The following GPR37 variants were observed in gnomAD, a reference collection of about 807,000 sequenced individuals.
GPR37 encodes prosaposin receptor GPR37.
A neutral mutation model predicts 43.6 loss-of-function variants in GPR37; 20 were observed. The observed-to-expected ratio is 0.46, with a 90% CI of 0.32 to 0.67. The LOEUF is 0.67. Among genes scored for constraint, GPR37 ranks in the 30% least tolerant of loss-of-function variants. GPR37 has a pLI of 0.03. For missense variants in GPR37, 724 were observed against 797.2 expected, an observed-to-expected ratio of 0.91 and a Z score of 1.11; for synonymous variants, 315 against 322.6, an observed-to-expected ratio of 0.98 and a Z score of 0.25.
intron 1 of GPR37, among the ~76,000 whole-genome samples, chr7:124,762,032 G>T (rs982410219): frequency 2.0e-5 from 3 of 152,062 alleles, no homozygotes; most frequent in Admixed American, 2.0e-4. Context: ...CAAAAATACA[G>T]AAAGTAAAAG....
intron 1 of GPR37, among the ~76,000 whole-genome samples, chr7:124,757,958 T>G (rs1030897876): frequency 5.9e-5 from 9 of 152,182 alleles, no homozygotes; most frequent in African/African-American, 2.2e-4. Context: ...TTATTCAAAT[T>G]GTTCTTTAAT....
intron 1 of GPR37, among the ~76,000 whole-genome samples, chr7:124,750,397 C>A (rs1793718332): frequency 6.6e-6 from 1 of 152,074 alleles, no homozygotes; most frequent in African/African-American, 2.4e-5. Context: ...TGCTATACAT[C>A]CTTTTGAAAT....
intron 1 of GPR37, among the ~76,000 whole-genome samples, chr7:124,749,300 A>ATTT (rs1304721167): frequency 2.1e-4 from 32 of 152,084 alleles, no homozygotes; most frequent in Admixed American, 2.1e-3. Flanking sequence ...CCCTGGGTGG[A>ATTT]TGGAATGCTT....
Position 124,746,686 on chromosome 7 carries a change from T to A in GPR37, c.1681A>T (p.Met561Leu). The change falls in exon 2 of 2, where the codon ATG (methionine) becomes TTG (leucine). Residue 561 changes from methionine (M) to leucine (L), a missense_variant. This residue lies in a region of GPR37 where 342 missense variants were observed against 441.8 expected (regional missense o/e 0.77). Coordinates refer to ENST00000303921, the MANE Select transcript of GPR37 (RefSeq NM_005302.5). ...CLCKPFSRAFMECCCCCCEEC... is the reference protein window; with the variant it reads ...CLCKPFSRAFLECCCCCCEEC... ...TCACAGCAACAGCAGCAGCACTCCATGAAGGCCCGACTGAAGGGTTTGCAG... is the reference window on the plus strand; with the variant it reads ...TCACAGCAACAGCAGCAGCACTCCAAGAAGGCCCGACTGAAGGGTTTGCAG... The A allele has an allele frequency of 6.2e-7, 1 of 1,613,886 alleles. No individual in the cohort carries two copies. Among genetic ancestry groups the A allele is most frequent in the Non-Finnish European group, 8.5e-7 (1 of 1,179,888 alleles).
intron 1 of GPR37, among the ~76,000 whole-genome samples, chr7:124,757,691 T>A (rs1368861874): frequency 6.6e-6 from 1 of 152,206 alleles, no homozygotes; most frequent in Admixed American, 6.5e-5. Flanking sequence ...TCCACGATGC[T>A]TTGTTCAAAC....
rs1793881195 is a variant in GPR37, at chr7:124,764,005, G to C, written c.972C>G (p.Thr324=). The change falls in exon 1 of 2, where the codon ACC becomes ACG. Residue 324 remains threonine, a synonymous_variant. Coordinates refer to ENST00000303921, the MANE Select transcript of GPR37 (RefSeq NM_005302.5). This position sits in a 1 kb window ranked among gnomAD's most constrained non-coding sequence, Gnocchi z 5.4. ...AGAAGTCCTCCAGCAGCCACTTCTT[G>C]GTCAGCTCGTGGAAGATGACCAGCG... ...CLPLVIFHEL[T]KKWLLEDFSC... 6.2e-7 allele frequency: 1 copy of C among 1,614,090 alleles called. No homozygotes were observed. The highest frequency in any genetic ancestry group is 8.5e-7 in the Non-Finnish European group (1 of 1,180,024).
In GPR37 at chr7:124,760,603, C is replaced by A. The variant is rs544332161; in HGVS notation, c.1023+3351G>T. ...GATGTTTACGGGTTTTTATTTTTTC[C>A]TGTCTAGTGGATTAAAAAAAGAAAA... On this transcript the variant is annotated intron_variant, in intron 1 of 1. Coordinates refer to ENST00000303921, the MANE Select transcript of GPR37 (RefSeq NM_005302.5). 2.0e-5 allele frequency among the ~76,000 whole-genome samples: 3 copies of A among 151,672 alleles called. No individual in the cohort carries two copies. The South Asian group carries it at 6.2e-4, about 32-fold the overall frequency.
rs760024892 is a variant in GPR37, at chr7:124,764,327, C to T, written c.650G>A (p.Arg217Gln). Reference protein sequence around the residue: ...HEGWTIALPGRALAQNGSLGE... With the variant: ...HEGWTIALPGQALAQNGSLGE... ...CAAGGATCCATTCTGGGCCAGCGCC[C>T]GGCCCGGGAGTGCAATTGTCCACCC... The change falls in exon 1 of 2, where the codon CGG becomes CAG. Residue 217 changes from arginine to glutamine, a missense_variant. Arg to Gln is a conservative substitution (Grantham distance 43, BLOSUM62 1). This residue lies in a region of GPR37 where 382 missense variants were observed against 355.4 expected (regional missense o/e 1.07). Coordinates refer to ENST00000303921, the MANE Select transcript of GPR37 (RefSeq NM_005302.5). This position sits in a 1 kb window ranked among gnomAD's most constrained non-coding sequence, Gnocchi z 5.4. The T allele has an allele frequency of 1.9e-6, 3 of 1,611,038 alleles. No individual in the cohort carries two copies. The highest frequency in any genetic ancestry group is 2.5e-6 in the Non-Finnish European group (3 of 1,178,688).
chr7:124,763,653 A>C lies in GPR37; in HGVS notation c.1023+301T>G, dbSNP rs377144961. ...CCCTAAAATCTCTGACAAGTGCCAAATCAGAAATACGCATAACACCATATT... is the reference window on the plus strand; with the variant it reads ...CCCTAAAATCTCTGACAAGTGCCAACTCAGAAATACGCATAACACCATATT... On this transcript the variant is annotated intron_variant, in intron 1 of 1. Coordinates refer to ENST00000303921, the MANE Select transcript of GPR37 (RefSeq NM_005302.5). Among the ~76,000 whole-genome samples, 7 of 152,270 alleles carry C rather than the reference A, an allele frequency of 4.6e-5. No homozygotes were observed. In the East Asian group the frequency reaches 9.7e-4, roughly 21 times the overall value.
At position 124,764,160 on chromosome 7, in the gene GPR37, C is replaced by T. The variant is rs1793883721; in HGVS notation, c.817G>A (p.Gly273Arg). The T allele has an allele frequency of 6.2e-7, 1 of 1,602,492 alleles. No individual in the cohort carries two copies. Among genetic ancestry groups the T allele is most frequent in the African/African-American group, 1.3e-5 (1 of 74,796 alleles). ...GCCAGGTTGCCAATGATGCCGGTCC[C>T]GAAGATCACCACGGACAGACACATG... ...AVMCLSVVIF[G>R]TGIIGNLAVM... The change falls in exon 1 of 2, where the codon GGG becomes AGG. Residue 273 changes from glycine (G) to arginine (R), a missense_variant. By Grantham distance (125) the Gly-to-Arg change is moderately radical. Transcript: ENST00000303921. The surrounding 1 kb of genome is among the most constrained non-coding windows in gnomAD (Gnocchi z 5.4).
intron 1 of GPR37, among the ~76,000 whole-genome samples, chr7:124,756,501 A>C (rs184672220): frequency 6.6e-6 from 1 of 152,362 alleles, no homozygotes; most frequent in African/African-American, 2.4e-5. Flanking sequence ...CTGCAAATAA[A>C]AAAAGACCCT....
At chr7:124,752,147 C>T (rs1290317510) in intron 1 of GPR37, among the ~76,000 whole-genome samples, 1 of 152,076 alleles carries the variant, frequency 6.6e-6, no homozygotes, top group Non-Finnish European at 1.5e-5. Context: ...ACATGTGGAG[C>T]AGTGAGGCTT....
intron 1 of GPR37, among the ~76,000 whole-genome samples, chr7:124,748,573 T>C (rs1793700418): frequency 6.6e-6 from 1 of 152,100 alleles, no homozygotes; most frequent in Non-Finnish European, 1.5e-5. Context: ...AAGAAGTATA[T>C]TTATCATAAA....
chr7:124,764,884 G>T lies in GPR37; in HGVS notation c.93C>A (p.Ala31=). 1 of 1,609,250 alleles carries T rather than the reference G, an allele frequency of 6.2e-7. No homozygotes were observed. Among genetic ancestry groups the T allele is most frequent in the Non-Finnish European group, 8.5e-7 (1 of 1,177,850 alleles). The change falls in exon 1 of 2, where the codon GCC becomes GCA. Residue 31 remains alanine (A), a synonymous_variant. Coordinates refer to ENST00000303921, the MANE Select transcript of GPR37 (RefSeq NM_005302.5). The surrounding 1 kb of genome is among the most constrained non-coding windows in gnomAD (Gnocchi z 5.4). ...KVSASSALGV[A]PASRNETCLG... is the part of the protein sequence containing the mutation. Reference sequence around the variant, plus strand: ...GACAAGTTTCGTTTCTGGACGCAGGGGCGACCCCGAGGGCAGAAGAGGCAG... The same window carrying T: ...GACAAGTTTCGTTTCTGGACGCAGGTGCGACCCCGAGGGCAGAAGAGGCAG...
At chr7:124,749,198 G>A (rs1793705978) in intron 1 of GPR37, among the ~76,000 whole-genome samples, 1 of 152,054 alleles carries the variant, frequency 6.6e-6, no homozygotes, top group South Asian at 2.1e-4. Context: ...TGTAATAAAT[G>A]TAGTCATTAT....
At chr7:124,762,921 A>C (rs1447490614) in intron 1 of GPR37, among the ~76,000 whole-genome samples, 1 of 152,218 alleles carries the variant, frequency 6.6e-6, no homozygotes, top group Non-Finnish European at 1.5e-5. Flanking sequence ...TGAAATGGAC[A>C]GTCTGAATGG....
rs762061156 is a variant in GPR37 at position 124,764,528 on chromosome 7, T to A, written c.449A>T (p.Glu150Val). The part of the protein sequence containing the change: ...TALQLFLQIS[E>V]EEEKGPRGAG... Reference sequence around the variant, plus strand: ...GCCTCTGGGACCCTTCTCTTCCTCCTCTGAGATCTGAAGGAAGAGCTGGAG... The same window carrying A: ...GCCTCTGGGACCCTTCTCTTCCTCCACTGAGATCTGAAGGAAGAGCTGGAG... The change falls in exon 1 of 2, where the codon GAG (glutamate) becomes GTG (valine). Residue 150 changes from glutamate to valine, a missense_variant. Glu to Val is a moderately radical substitution (Grantham distance 121, BLOSUM62 -2). Transcript: ENST00000303921. The surrounding 1 kb of genome is among the most constrained non-coding windows in gnomAD (Gnocchi z 5.4). 1 of 1,613,604 alleles carries A rather than the reference T, an allele frequency of 6.2e-7. No individual in the cohort carries two copies. Among genetic ancestry groups the A allele is most frequent in the South Asian group, 1.1e-5 (1 of 91,086 alleles).
chr7:124,765,052 GAGAGTTAGGCACATGTCACATA>G lies in GPR37; in HGVS notation c.-98_-77del. ...GACACCTGCTGCCGAAGTTGCTGCT[GAGAGTTAGGCACATGTCACATA>G]CTCACCCCCGCCCGGGTAGCGGGGA... On this transcript the variant is annotated 5_prime_UTR_variant, in exon 1 of 2. The change abolishes an upstream ATG in the 5' untranslated region. Coordinates refer to ENST00000303921, the MANE Select transcript of GPR37 (RefSeq NM_005302.5). 2 of 1,350,064 alleles carry G rather than the reference GAGAGTTAGGCACATGTCACATA, an allele frequency of 1.5e-6. No homozygotes were observed. Among genetic ancestry groups the G allele is most frequent in the Non-Finnish European group, 1.9e-6 (2 of 1,027,494 alleles). The allele number at this position is 1,350,064 out of a possible 1,614,324, so 83.6% of individuals were successfully genotyped here. A position where few individuals can be genotyped will look rare whatever the true frequency, so the allele number is the denominator to read the frequency against.
At chr7:124,756,211 G>C (rs1412398538) in intron 1 of GPR37, among the ~76,000 whole-genome samples, 3 of 152,082 alleles carry the variant, frequency 2.0e-5, no homozygotes, top group Non-Finnish European at 4.4e-5. Flanking sequence ...CTGAAGATGG[G>C]AATTGATGAG....
Sources: gnomAD v4.1 joint callset for allele counts (sites outside exome capture counted in the v4.1 genomes callset) on GRCh38, gnomAD v4.1.1 for gene constraint, gnomAD v4.1.1 regional missense constraint, Gnocchi (gnomAD v3.1) non-coding constraint, MANE v1.5 for transcripts, NCBI Gene and HGNC (gene_info 2026-07-23, HGNC 2026-07-21) for gene names.